Variants in ABTB2 observed in about 807,000 individuals in gnomAD.
ABTB2 encodes the protein ankyrin repeat and BTB domain containing 2, also known as ankyrin repeat and BTB/POZ domain-containing protein 2.
ABTB2 carries 56 observed loss-of-function variants against 104.1 expected under a neutral mutation model. The observed-to-expected ratio is 0.54, with a 90% CI of 0.43 to 0.67. ABTB2 has a LOEUF of 0.67. Ranked by LOEUF, ABTB2 falls within the 30% of genes least tolerant of loss-of-function variation. The pLI, the probability that ABTB2 is intolerant of heterozygous loss-of-function variation, is 0.00. For missense variants in ABTB2, 1,279 were observed against 1,407.7 expected (o/e 0.91, Z 1.46); for synonymous variants, 606 against 608.2 (o/e 1.00, Z 0.05).
chr11:34,233,510 C>T (rs1236498407), intron 1 of ABTB2, among the ~76,000 whole-genome samples: 2 of 151,922 alleles, frequency 1.3e-5, no homozygotes, highest in African/African-American at 4.8e-5. Context: ...ACCACCACAC[C>T]CAGCTAAGTT....
intron 7 of ABTB2, 91 bp downstream of exon 7, chr11:34,167,168 A>G: frequency 8.2e-7 from 1 of 1,218,010 alleles, no homozygotes; most frequent in Non-Finnish European, 1.2e-6. Context: ...GATTCAGGGC[A>G]CCTGCCCACT....
At chr11:34,344,054 A>G (rs1448872663) in intron 1 of ABTB2, among the ~76,000 whole-genome samples, 4 of 152,116 alleles carry the variant, frequency 2.6e-5, no homozygotes, top group African/African-American at 9.7e-5. Context: ...ACACCACTCC[A>G]GGCCCCATGC....
chr11:34,245,321 C>T (rs1201440739), intron 1 of ABTB2, among the ~76,000 whole-genome samples: 1 of 152,192 alleles, frequency 6.6e-6, no homozygotes, highest in Non-Finnish European at 1.5e-5. Context: ...ACTGAACTTT[C>T]CTTGCAGGCA....
rs1852864653 is a variant in ABTB2, at chr11:34,170,932, C to T, written c.1537G>A (p.Asp513Asn). Reference protein sequence around the residue: ...INQAIEALGPDGVNTMDDQGM... With the variant: ...INQAIEALGPNGVNTMDDQGM... ...TGGTCATCCATGGTGTTAACCCCAT[C>T]CGGACCCAAGGCCTCGATGGCTTGG... The change falls in exon 5 of 17, where the codon GAT (aspartate) becomes AAT (asparagine). Residue 513 changes from aspartate (D) to asparagine (N), a missense_variant. Coordinates refer to ENST00000435224, the MANE Select transcript of ABTB2 (RefSeq NM_145804.3). 6.2e-7 allele frequency: 1 copy of T among 1,614,046 alleles called. No individual in the cohort carries two copies. Among genetic ancestry groups the T allele is most frequent in the Admixed American group, 1.7e-5 (1 of 60,008 alleles).
At chr11:34,249,469 T>C (rs1854028332) in intron 1 of ABTB2, among the ~76,000 whole-genome samples, 1 of 152,128 alleles carries the variant, frequency 6.6e-6, no homozygotes. Context: ...TCTCAAATAG[T>C]AGAAAGCACT....
At chr11:34,315,841 G>A (rs1854922062) in intron 1 of ABTB2, among the ~76,000 whole-genome samples, 1 of 152,144 alleles carries the variant, frequency 6.6e-6, no homozygotes, top group Non-Finnish European at 1.5e-5. Context: ...CTGACACACA[G>A]AATTCCCAAC....
intron 1 of ABTB2, among the ~76,000 whole-genome samples, chr11:34,323,067 C>T (rs1012558323): frequency 3.3e-5 from 5 of 151,994 alleles, no homozygotes; most frequent in Non-Finnish European, 4.4e-5. Context: ...CCACCATGCC[C>T]GGCTAATTTT....
intron 1 of ABTB2, among the ~76,000 whole-genome samples, chr11:34,251,845 T>TA (rs57620502): frequency 0.28 from 42,134 of 151,930 alleles, 6,025 homozygotes; most frequent in South Asian, 0.33. Context: ...CACCGCAGAC[T>TA]AAAAAAACAG....
intron 1 of ABTB2, among the ~76,000 whole-genome samples, chr11:34,264,712 C>T (rs1171505902): frequency 1.3e-5 from 2 of 152,228 alleles, no homozygotes; most frequent in Non-Finnish European, 2.9e-5. Context: ...GGCCACACTT[C>T]AATCCCTCCT....
At chr11:34,329,010 T>G (rs559843766) in intron 1 of ABTB2, among the ~76,000 whole-genome samples, 11 of 152,222 alleles carry the variant, frequency 7.2e-5, no homozygotes, top group Non-Finnish European at 1.6e-4. Flanking sequence ...AGAAGTAACA[T>G]TTAAATTCAT....
intron 3 of ABTB2, among the ~76,000 whole-genome samples, chr11:34,196,095 C>T (rs185659769): frequency 1.2e-4 from 18 of 152,318 alleles, no homozygotes; most frequent in African/African-American, 3.8e-4. Flanking sequence ...CTCAAACCCA[C>T]AACTCTTGAG....
intron 1 of ABTB2, among the ~76,000 whole-genome samples, chr11:34,309,276 G>A (rs760910725): frequency 6.6e-6 from 1 of 152,218 alleles, no homozygotes; most frequent in Non-Finnish European, 1.5e-5. Context: ...GGCATTTTGG[G>A]GACCTTGTTG....
In ABTB2 at chr11:34,252,677, C is replaced by T. The variant is rs1033954414; in HGVS notation, c.884-47987G>A. 6.6e-6 allele frequency among the ~76,000 whole-genome samples: 1 copy of T among 152,122 alleles called. No individual in the cohort carries two copies. Among genetic ancestry groups the T allele is most frequent in the Admixed American group, 6.5e-5 (1 of 15,280 alleles). On this transcript the variant is annotated intron_variant, in intron 1 of 16. Coordinates refer to ENST00000435224, the MANE Select transcript of ABTB2 (RefSeq NM_145804.3). The surrounding 1 kb of genome is among the most constrained non-coding windows in gnomAD (Gnocchi z 5.5). ...TTCCTGAGGCTTAGAAGCTCTCCTG[C>T]CCTGGGGCTCCCCTACTTCAAATAA...
At chr11:34,264,764 G>A (rs912057930) in intron 1 of ABTB2, among the ~76,000 whole-genome samples, 1 of 152,204 alleles carries the variant, frequency 6.6e-6, no homozygotes, top group Non-Finnish European at 1.5e-5. Context: ...AGCTAGTCCA[G>A]GGTGAATGCC....
At chr11:34,157,694 T>TC (rs34473842) in intron 14 of ABTB2, among the ~76,000 whole-genome samples, 1 of 152,096 alleles carries the variant, frequency 6.6e-6, no homozygotes, top group Non-Finnish European at 1.5e-5. Flanking sequence ...ACCCTGGGCC[T>TC]CCCCTCCTCC....
intron 1 of ABTB2, among the ~76,000 whole-genome samples, chr11:34,296,806 T>C (rs1854627857): frequency 4.6e-5 from 7 of 152,140 alleles, no homozygotes; most frequent in Admixed American, 3.9e-4. Context: ...ATAAGGAGGA[T>C]CCTGACTCAT....
chr11:34,232,507 T>A (rs1853784352), intron 1 of ABTB2, among the ~76,000 whole-genome samples: 2 of 148,756 alleles, frequency 1.3e-5, no homozygotes, highest in South Asian at 4.2e-4. Context: ...AGAAAAGGAA[T>A]ATCCCAGAAG....
intron 1 of ABTB2, among the ~76,000 whole-genome samples, chr11:34,309,280 CTTGTTGAAG>C (rs1214761113): frequency 7.9e-5 from 12 of 152,296 alleles, no homozygotes; most frequent in Middle Eastern, 3.4e-3. Flanking sequence ...TTTTGGGGAC[CTTGTTGAAG>C]GAAATTGAGT....
chr11:34,194,499 T>C (rs1853222119), intron 3 of ABTB2, among the ~76,000 whole-genome samples: 1 of 152,070 alleles, frequency 6.6e-6, no homozygotes, highest in Admixed American at 6.5e-5. Flanking sequence ...CCAGCTACTA[T>C]TTGCATCAGG....
Sources: gnomAD v4.1 joint callset for allele counts (sites outside exome capture counted in the v4.1 genomes callset) on GRCh38, gnomAD v4.1.1 for gene constraint, Gnocchi (gnomAD v3.1) non-coding constraint, MANE v1.5 for transcripts, NCBI Gene and HGNC (gene_info 2026-07-23, HGNC 2026-07-21) for gene names.